BCORL1: variants seen among roughly 807,000 people sequenced by gnomAD.
The protein encoded by BCORL1 is BCL6 corepressor like 1, also known as BCL-6 corepressor-like protein 1.
In BCORL1, 7 loss-of-function variants were observed where a neutral mutation model predicts 87.6. That is an observed-to-expected ratio of 0.08 (90% CI 0.05 to 0.15). BCORL1 has a LOEUF of 0.15. BCORL1 is among the 10% of genes least tolerant of loss of function. The pLI is 1.00. For missense variants in BCORL1, 1,215 were observed against 1,499.7 expected, an observed-to-expected ratio of 0.81 and a Z score of 3.13; for synonymous variants, 591 against 634.4, an observed-to-expected ratio of 0.93 and a Z score of 1.03.
At position 130,015,592 on chromosome X, in the gene BCORL1, C is replaced by T. The variant is rs748965394; in HGVS notation, c.2820C>T (p.Ser940=). 15 of 1,210,722 alleles carry T rather than the reference C, an allele frequency of 1.2e-5. No individual in the cohort carries two copies. The highest frequency in any genetic ancestry group is 5.9e-5 in the East Asian group (2 of 33,789). ...CCCTGGCACTGTCTGTTCAGCCTAG[C>T]GGTGGGGACATTCGAATGAATCAGG... is the stretch of plus-strand genomic sequence containing the variant. ...TGTLALSVQP[S]GGDIRMNQGP... is the part of the protein sequence containing the mutation. The change falls in exon 4 of 14, where the codon AGC becomes AGT. Residue 940 remains serine, a synonymous_variant. Coordinates refer to ENST00000540052, the MANE Select transcript of BCORL1 (RefSeq NM_001379451.1).
rs1055365556 is a variant in BCORL1, at chrX:130,057,468, C to T, written c.*1332C>T. ...CCGCCCCCTCTGTGGCATTGTCCCT[C>T]CCACTCTTATTTTTCTACCAATTGC... is the stretch of plus-strand genomic sequence containing the variant. On this transcript the variant is annotated 3_prime_UTR_variant, in exon 14 of 14. Coordinates refer to ENST00000540052, the MANE Select transcript of BCORL1 (RefSeq NM_001379451.1). The T allele has an allele frequency of 8.9e-5, 10 of 111,878 alleles. No individual in the cohort carries two copies. The highest frequency in any genetic ancestry group is 3.3e-4 in the African/African-American group (10 of 30,732). 9.2% of individuals were successfully genotyped at this position (111,878 alleles called of 1,213,427 possible).
chrX:130,032,815 G>A (rs1167744562), intron 8 of BCORL1, among the ~76,000 whole-genome samples: 6 of 109,303 alleles, frequency 5.5e-5, no homozygotes, highest in Non-Finnish European at 9.5e-5. Flanking sequence ...AAGCTGGAGT[G>A]CAGTGGCTCT....
At chrX:130,044,663 C>T (rs5975168) in intron 11 of BCORL1, among the ~76,000 whole-genome samples, 9,360 of 110,549 alleles carry the variant, frequency 0.085, 975 homozygotes, top group African/African-American at 0.29. Context: ...ACGCCCACCA[C>T]CATGCATGGC....
In BCORL1 at chrX:130,051,641, G is replaced by A. The variant is rs1932077587; in HGVS notation, c.4919-219G>A. 2.7e-5 allele frequency among the ~76,000 whole-genome samples: 3 copies of A among 112,139 alleles called. No homozygotes were observed. In the South Asian group the frequency reaches 1.1e-3, roughly 41 times the overall value. ...GGGGGAGTGATATAATAAATCTCTG[G>A]CCACACAATGATTTCTTTCAGTACT... On this transcript the variant is annotated intron_variant, in intron 12 of 13. Coordinates refer to ENST00000540052, the MANE Select transcript of BCORL1 (RefSeq NM_001379451.1).
rs113592860 is a variant in BCORL1 at position 130,035,171 on chromosome X, T to A, written c.4527+495T>A. Among the ~76,000 whole-genome samples, 193 of 112,259 alleles carry A rather than the reference T, an allele frequency of 1.7e-3. No homozygotes were observed. In the Middle Eastern group the frequency reaches 0.018, roughly 11 times the overall value. On this transcript the variant is annotated intron_variant, in intron 9 of 13. Transcript: ENST00000540052. The stretch of plus-strand genomic sequence containing the variant: ...TGGCATTTATTGAGCACTTCTTTTG[T>A]CATGTGAAGAGCCTGATTACTTTGT...
intron 8 of BCORL1, among the ~76,000 whole-genome samples, chrX:130,030,559 GTC>G (rs769310039): frequency 2.6e-3 from 292 of 110,852 alleles, no homozygotes; most frequent in Middle Eastern, 9.3e-3. Flanking sequence ...CGTTCCATAT[GTC>G]TCTCAGGCTC....
intron 1 of BCORL1, among the ~76,000 whole-genome samples, chrX:129,990,317 T>C (rs1927015103): frequency 1.8e-5 from 2 of 110,705 alleles, no homozygotes; most frequent in African/African-American, 3.3e-5. Context: ...CTGCAAGCTC[T>C]GCCTCCTGGA....
chrX:130,009,013 A>T (rs1052560345), intron 2 of BCORL1, among the ~76,000 whole-genome samples: 7 of 112,178 alleles, frequency 6.2e-5, no homozygotes, highest in African/African-American at 2.3e-4. Context: ...AGTGCCCTAG[A>T]ATTGCATGTC....
In BCORL1 at chrX:130,013,905, C is replaced by T. The variant is rs1929191268; in HGVS notation, c.1133C>T (p.Pro378Leu). The T allele has an allele frequency of 8.6e-7, 1 of 1,165,643 alleles. No individual in the cohort carries two copies. The highest frequency in any genetic ancestry group is 1.1e-6 in the Non-Finnish European group (1 of 872,639). Residue 378 changes from proline (P) to leucine (L), a missense_variant, in exon 4 of 14, where the codon CCT becomes CTT. By Grantham distance (98) the Pro-to-Leu change is moderately conservative. This residue lies in a region of BCORL1 where 861 missense variants were observed against 1,010.0 expected (regional missense o/e 0.85). Transcript: ENST00000540052. ...CCCACCCTCATCCCCGCCTTTGCTC[C>T]TACACCGGTGCCTGCACCCACCCCA... The part of the protein sequence containing the change: ...STPTLIPAFA[P>L]TPVPAPTPAP...
chrX:130,023,489 C>A (rs1273327503), intron 6 of BCORL1, among the ~76,000 whole-genome samples: 1 of 112,042 alleles, frequency 8.9e-6, no homozygotes, highest in East Asian at 2.8e-4. Context: ...CCTTTCTAGC[C>A]ACCACTACCT....
chrX:130,025,129 G>A lies in BCORL1; in HGVS notation c.3828G>A (p.Gln1276=). 8.3e-7 allele frequency: 1 copy of A among 1,211,996 alleles called. No homozygotes were observed. The highest frequency in any genetic ancestry group is 1.1e-6 in the Non-Finnish European group (1 of 895,561). ...TGAGAAAGACCCAACGGGACACCCA[G>A]TATCGCAGCCACCATGCCCAGGACA... ...RKVRKTQRDT[Q]YRSHHAQDKS... Residue 1276 remains glutamine (Q), a synonymous_variant, in exon 7 of 14, where the codon CAG becomes CAA. Transcript: ENST00000540052.
At chrX:130,031,830 CTGAGT>C (rs1313179979) in intron 8 of BCORL1, among the ~76,000 whole-genome samples, 2 of 111,580 alleles carry the variant, frequency 1.8e-5, no homozygotes, top group Non-Finnish European at 3.8e-5. Context: ...GTGCCCAGCC[CTGAGT>C]TAAGTGCTGT....
At chrX:130,040,812 C>T (rs1931262726) in intron 11 of BCORL1, among the ~76,000 whole-genome samples, 1 of 112,020 alleles carries the variant, frequency 8.9e-6, no homozygotes, top group Non-Finnish European at 1.9e-5. Flanking sequence ...CTGCACTCCA[C>T]TGGATTCCCA....
chrX:130,045,341 A>G (rs540880892), intron 11 of BCORL1, among the ~76,000 whole-genome samples: 172 of 112,152 alleles, frequency 1.5e-3, no homozygotes, highest in African/African-American at 5.3e-3. Flanking sequence ...CCTTCCACCT[A>G]TGAAAGGGTT....
At chrX:130,018,932 T>C (rs1031555431) in intron 4 of BCORL1, among the ~76,000 whole-genome samples, 2 of 112,219 alleles carry the variant, frequency 1.8e-5, no homozygotes, top group Non-Finnish European at 3.8e-5. Flanking sequence ...CTTTCAGGGC[T>C]TGGCCAAGAG....
chrX:130,043,758 ATATATATATATATATATATATATATAT>A (rs1485106258), intron 11 of BCORL1, among the ~76,000 whole-genome samples: 1,414 of 23,324 alleles, frequency 0.061, 79 homozygotes, highest in Middle Eastern at 0.083. Flanking sequence ...ATATATATAT[ATATATATATATATATATATATATATAT>A]TTTTTTTTTT....
At chrX:130,020,684 T>C (rs1929730979) in intron 4 of BCORL1, among the ~76,000 whole-genome samples, 1 of 112,106 alleles carries the variant, frequency 8.9e-6, no homozygotes, top group African/African-American at 3.2e-5. Context: ...GTATGGGGCC[T>C]GACTTTGCAC....
chrX:130,034,060 T>A (rs1392177914), intron 8 of BCORL1, among the ~76,000 whole-genome samples: 1 of 112,131 alleles, frequency 8.9e-6, no homozygotes, highest in Non-Finnish European at 1.9e-5. Context: ...CAGATAGGAC[T>A]TATAAAAACC....
intron 1 of BCORL1, among the ~76,000 whole-genome samples, chrX:129,989,444 CTTTTTTTTTTTTTTTTTTTTTTTT>C (rs55654985): frequency 2.8e-4 from 5 of 17,756 alleles, no homozygotes; most frequent in Non-Finnish European, 4.8e-4. Flanking sequence ...CCGCACCCGT[CTTTTTTTTTTTTTTTTTTTTTTTT>C]TTTTTTTTTT....
Sources: gnomAD v4.1 joint callset for allele counts (sites outside exome capture counted in the v4.1 genomes callset) on GRCh38, gnomAD v4.1.1 for gene constraint, gnomAD v4.1.1 regional missense constraint, MANE v1.5 for transcripts, NCBI Gene and HGNC (gene_info 2026-07-23, HGNC 2026-07-21) for gene names.